Variants in TAFA5 observed in about 807,000 individuals in gnomAD.
TAFA5 encodes chemokine-like protein TAFA-5.
TAFA5 carries 6 observed loss-of-function variants against 15.3 expected under a neutral mutation model. That is an observed-to-expected ratio of 0.39 (90% CI 0.21 to 0.77). The LOEUF is 0.77. Among genes scored for constraint, TAFA5 ranks in the 30% least tolerant of loss-of-function variants. The pLI is 0.41. For missense variants in TAFA5, 161 were observed against 193.1 expected (o/e 0.83, Z 0.98); for synonymous variants, 103 against 80.7 (o/e 1.28, Z -1.48).
chr22:48,578,862 G>C (rs938973635), intron 1 of TAFA5, among the ~76,000 whole-genome samples: 17 of 149,810 alleles, frequency 1.1e-4, no homozygotes, highest in East Asian at 7.8e-4. Context: ...GGTGCAGGGA[G>C]GGGGGTGGCC....
intron 1 of TAFA5, among the ~76,000 whole-genome samples, chr22:48,611,272 C>T (rs1018370034): frequency 4.6e-5 from 7 of 152,234 alleles, no homozygotes; most frequent in African/African-American, 1.7e-4. Context: ...TAGCGGCAGA[C>T]CGCGAAATAC....
chr22:48,654,447 C>T (rs1927165979), intron 2 of TAFA5, among the ~76,000 whole-genome samples: 1 of 152,240 alleles, frequency 6.6e-6, no homozygotes, highest in South Asian at 2.1e-4. Flanking sequence ...CCCACCGTCA[C>T]TCCTTCCCAT....
intron 3 of TAFA5, among the ~76,000 whole-genome samples, chr22:48,747,730 C>T (rs1226106104): frequency 6.6e-6 from 1 of 151,978 alleles, no homozygotes; most frequent in Non-Finnish European, 1.5e-5. Context: ...AAGTCCATCT[C>T]TACTAAAAAT....
chr22:48,698,049 G>T (rs1468134874), intron 2 of TAFA5, among the ~76,000 whole-genome samples: 3 of 144,070 alleles, frequency 2.1e-5, no homozygotes, highest in Non-Finnish European at 4.5e-5. Flanking sequence ...GATGGTGGTG[G>T]TTAGGATGAT....
At chr22:48,521,784 C>T (rs1296445681) in intron 1 of TAFA5, among the ~76,000 whole-genome samples, 1 of 152,204 alleles carries the variant, frequency 6.6e-6, no homozygotes, top group Non-Finnish European at 1.5e-5. Context: ...AAGCATCGTG[C>T]TCATCTGTGG....
chr22:48,607,076 A>G (rs1011853353), intron 1 of TAFA5, among the ~76,000 whole-genome samples: 2 of 152,208 alleles, frequency 1.3e-5, no homozygotes, highest in African/African-American at 4.8e-5. Flanking sequence ...CTGTGTCCCT[A>G]CACAGTGGGG....
At chr22:48,723,621 C>CCTCCG (rs1569094774) in intron 3 of TAFA5, among the ~76,000 whole-genome samples, 2 of 152,218 alleles carry the variant, frequency 1.3e-5, no homozygotes, top group African/African-American at 4.8e-5. Context: ...ACCATCCTCC[C>CCTCCG]CCTGCCTGGA....
intron 2 of TAFA5, among the ~76,000 whole-genome samples, chr22:48,673,161 C>T (rs1048212562): frequency 6.6e-6 from 1 of 152,252 alleles, no homozygotes; most frequent in Admixed American, 6.5e-5. Context: ...AGGTCCCCTC[C>T]ATCACCGTCA....
intron 3 of TAFA5, among the ~76,000 whole-genome samples, chr22:48,710,769 A>T (rs1188590409): frequency 1.3e-5 from 2 of 152,186 alleles, no homozygotes; most frequent in Non-Finnish European, 2.9e-5. Flanking sequence ...CAATAGCTGC[A>T]CCTGTCCGGT....
intron 2 of TAFA5, among the ~76,000 whole-genome samples, chr22:48,653,809 A>G (rs1332404854): frequency 6.6e-6 from 1 of 152,018 alleles, no homozygotes; most frequent in Admixed American, 6.6e-5. Context: ...AGCTCCAGGG[A>G]GCACAGCTCA....
chr22:48,670,904 C>A (rs1055610457), intron 2 of TAFA5, among the ~76,000 whole-genome samples: 1 of 152,192 alleles, frequency 6.6e-6, no homozygotes, highest in Admixed American at 6.6e-5. Flanking sequence ...AAGCCTGGGA[C>A]AGTTGGTGCT....
chr22:48,576,039 A>ACT (rs1569031167), intron 1 of TAFA5, among the ~76,000 whole-genome samples: 4 of 31,434 alleles, frequency 1.3e-4, no homozygotes, highest in South Asian at 1.3e-3. Context: ...GCCGCGCCGG[A>ACT]CCCCCCCCCC....
intron 2 of TAFA5, among the ~76,000 whole-genome samples, chr22:48,650,231 G>A (rs972672769): frequency 2.0e-5 from 3 of 152,200 alleles, no homozygotes; most frequent in African/African-American, 2.4e-5. Flanking sequence ...TGCCCCTACC[G>A]CGTTCCGTGA....
intron 1 of TAFA5, among the ~76,000 whole-genome samples, chr22:48,495,216 G>A (rs1928285043): frequency 6.6e-6 from 1 of 152,214 alleles, no homozygotes; most frequent in African/African-American, 2.4e-5. Flanking sequence ...TGGTGGAGCT[G>A]GCTGCAGGCT....
chr22:48,610,167 G>C (rs563457381), intron 1 of TAFA5, among the ~76,000 whole-genome samples: 1 of 152,164 alleles, frequency 6.6e-6, no homozygotes, highest in East Asian at 1.9e-4. Flanking sequence ...CCAGAGGCGG[G>C]GCAGGGAGGC....
intron 2 of TAFA5, among the ~76,000 whole-genome samples, chr22:48,703,858 A>G (rs4925445): frequency 0.32 from 48,789 of 152,190 alleles, 8,448 homozygotes; most frequent in African/African-American, 0.45. Context: ...CTGCTGGCCC[A>G]GGCCCTGCCC....
At chr22:48,555,766 T>C (rs1923014698) in intron 1 of TAFA5, among the ~76,000 whole-genome samples, 1 of 152,114 alleles carries the variant, frequency 6.6e-6, no homozygotes, top group African/African-American at 2.4e-5. Context: ...CCAGGAGACC[T>C]ACCCGAGGGC....
intron 3 of TAFA5, among the ~76,000 whole-genome samples, chr22:48,728,363 C>T (rs939728835): frequency 2.0e-5 from 3 of 152,208 alleles, no homozygotes; most frequent in African/African-American, 7.2e-5. Flanking sequence ...AGGTCACATG[C>T]AATGTCTGAA....
At chr22:48,676,900 G>A (rs1368454761) in intron 2 of TAFA5, among the ~76,000 whole-genome samples, 1 of 152,210 alleles carries the variant, frequency 6.6e-6, no homozygotes, top group African/African-American at 2.4e-5. Context: ...TGATTAGAGG[G>A]TTCCCAGGAT....
Sources: gnomAD v4.1 joint callset for allele counts (sites outside exome capture counted in the v4.1 genomes callset) on GRCh38, gnomAD v4.1.1 for gene constraint, MANE v1.5 for transcripts, NCBI Gene and HGNC (gene_info 2026-07-23, HGNC 2026-07-21) for gene names.